CENPE: variants seen among roughly 807,000 people sequenced by gnomAD.
The protein encoded by CENPE is centromere-associated protein E.
A neutral mutation model predicts 336.1 loss-of-function variants in CENPE; 145 were observed. The ratio of observed to expected loss-of-function variants is 0.43; its 90% CI spans 0.38 to 0.50. The LOEUF (loss-of-function observed/expected upper bound fraction) is 0.50. CENPE is among the 20% of genes least tolerant of loss of function. CENPE has a pLI of 0.00. For synonymous variants in CENPE, 1,013 were observed against 984.8 expected (o/e 1.03, Z -0.54); for missense variants, 2,719 against 3,023.3 (o/e 0.90, Z 2.36).
chr4:103,109,272 C>T (rs1298218087), intron 47 of CENPE, among the ~76,000 whole-genome samples, 183 bp from the exon 48 acceptor site: 2 of 152,058 alleles, frequency 1.3e-5, no homozygotes, highest in Non-Finnish European at 2.9e-5. Context: ...TTTCAAAGTT[C>T]AGAAAACAAA....
chr4:103,141,933 AAC>A (rs760400609), intron 34 of CENPE, 25 bp from the exon 35 acceptor site: 9 of 1,407,744 alleles, frequency 6.4e-6, no homozygotes, highest in South Asian at 3.8e-5. Flanking sequence ...AAATTTTAAA[AAC>A]AGTGACATAT....
chr4:103,198,246 G>A lies in CENPE; in HGVS notation c.56+18C>T, dbSNP rs1757893739. Reference sequence around the variant, plus strand: ...CCGCAGGCCCAGCGGGCACCGGGCCGTGGTGTGGCCCCCCTACCTGCTGTT... The same window carrying A: ...CCGCAGGCCCAGCGGGCACCGGGCCATGGTGTGGCCCCCCTACCTGCTGTT... On this transcript the variant is annotated intron_variant, in intron 1 of 48. Transcript: ENST00000265148. 2.6e-6 allele frequency: 4 copies of A among 1,549,278 alleles called. No homozygotes were observed. The highest frequency in any genetic ancestry group is 3.5e-6 in the Non-Finnish European group (4 of 1,146,360).
At position 103,134,178 on chromosome 4, in the gene CENPE, T is replaced by C. The variant is rs182655832; in HGVS notation, c.6523-286A>G. Among the ~76,000 whole-genome samples the C allele has an allele frequency of 3.3e-3, 506 of 152,340 alleles. 6 individuals are homozygous for C. The highest frequency in any genetic ancestry group is 0.011 in the Admixed American group (164 of 15,310). Reference sequence around the variant, plus strand: ...AATTCAACATGTTTAAAACGTAACATGATCCCTTTCTCTACAAGTCCTCCT... The same window carrying C: ...AATTCAACATGTTTAAAACGTAACACGATCCCTTTCTCTACAAGTCCTCCT... On this transcript the variant is annotated intron_variant, in intron 40 of 48. Transcript: ENST00000265148.
chr4:103,197,747 G>C (rs1757849332), intron 1 of CENPE, among the ~76,000 whole-genome samples: 1 of 152,148 alleles, frequency 6.6e-6, no homozygotes, highest in Admixed American at 6.5e-5. Context: ...CGTCCCATTA[G>C]AATGGAAGAG....
intron 24 of CENPE, among the ~76,000 whole-genome samples, chr4:103,156,795 C>T (rs189642710): frequency 1.8e-4 from 28 of 151,836 alleles, no homozygotes; most frequent in Admixed American, 3.3e-4. Context: ...AAAAGACAGC[C>T]GATGGAATGG....
intron 18 of CENPE, 120 bp from the exon 19 acceptor site, chr4:103,161,577 T>C (rs1197016961): frequency 6.8e-6 from 5 of 733,822 alleles, no homozygotes; most frequent in Non-Finnish European, 1.0e-5. Context: ...AATATGCTAG[T>C]TACCAAATAT....
At chr4:103,144,232 G>A (rs1474619587) in intron 33 of CENPE, 99 bp downstream of exon 33, 13 of 1,066,302 alleles carry the variant, frequency 1.2e-5, no homozygotes, top group African/African-American at 9.6e-5. Context: ...CACCGCGCCC[G>A]GCCTGGACCA....
At chr4:103,132,960 T>TTATATATAATATATATATATATATATATA (rs747843126) in intron 41 of CENPE, 64 bp from the exon 42 acceptor site, 4 of 148,226 alleles carry the variant, frequency 2.7e-5, no homozygotes, top group African/African-American at 1.1e-4. Flanking sequence ...AATATTTTAT[T>TTATATATAATATATATATATATATATATA]TATATATATA....
intron 4 of CENPE, 88 bp downstream of exon 4, chr4:103,195,832 C>A (rs1757690349): frequency 9.8e-6 from 8 of 815,990 alleles, no homozygotes; most frequent in Non-Finnish European, 1.7e-5. Flanking sequence ...TACTTCCTTT[C>A]ATCTTTACAA....
chr4:103,178,019 T>C (rs1256763084), intron 13 of CENPE, among the ~76,000 whole-genome samples: 1 of 151,316 alleles, frequency 6.6e-6, no homozygotes, highest in African/African-American at 2.4e-5. Context: ...GCTATTTAGC[T>C]CTGTTCCCTT....
intron 16 of CENPE, among the ~76,000 whole-genome samples, chr4:103,171,755 T>C (rs926456081): frequency 2.0e-4 from 30 of 149,236 alleles, no homozygotes; most frequent in Non-Finnish European, 3.0e-4. Flanking sequence ...TTAGCTAGAC[T>C]AGGTAAAAAA....
At chr4:103,109,923 T>C (rs566002167) in intron 47 of CENPE, among the ~76,000 whole-genome samples, 2 of 152,162 alleles carry the variant, frequency 1.3e-5, no homozygotes, top group Non-Finnish European at 2.9e-5. Context: ...GCACCTTGTC[T>C]TGCACTTTAC....
In CENPE at chr4:103,191,541, C is replaced by T. The variant is rs201484690; in HGVS notation, c.693+2688G>A. On this transcript the variant is annotated intron_variant, in intron 8 of 48. Transcript: ENST00000265148. ...GAAACCATCATTCTCAGCAAACTAT[C>T]GCAAGGACAAAAAACCAAACACCGC... 2.3e-3 allele frequency among the ~76,000 whole-genome samples: 344 copies of T among 150,990 alleles called. 9 individuals carry two copies. In the East Asian group the frequency reaches 0.055, roughly 24 times the overall value.
intron 8 of CENPE, among the ~76,000 whole-genome samples, chr4:103,191,536 A>T (rs747264782): frequency 6.6e-6 from 1 of 151,944 alleles, no homozygotes; most frequent in East Asian, 1.9e-4. Context: ...TTCTCAGCAA[A>T]CTATCGCAAG....
At chr4:103,138,275 C>G in intron 39 of CENPE, 76 bp downstream of exon 39, 1 of 945,236 alleles carries the variant, frequency 1.1e-6, no homozygotes, top group South Asian at 1.3e-5. Flanking sequence ...GAGGTTCCTT[C>G]AATCCCACTT....
At chr4:103,117,825 G>A (rs1405550713) in intron 44 of CENPE, among the ~76,000 whole-genome samples, 1 of 151,834 alleles carries the variant, frequency 6.6e-6, no homozygotes, top group Non-Finnish European at 1.5e-5. Context: ...GACAGTGTTT[G>A]CCATGTTGGG....
chr4:103,139,146 TCTTGTTCAC>T lies in CENPE; in HGVS notation c.6204+634_6204+642del, dbSNP rs1752323070. Among the ~76,000 whole-genome samples, 2 of 108,796 alleles carry T rather than the reference TCTTGTTCAC, an allele frequency of 1.8e-5. 1 individual carries two copies. The highest frequency in any genetic ancestry group is 4.6e-5 in the Non-Finnish European group (2 of 43,894). 71.4% of individuals were successfully genotyped at this position (108,796 alleles called of 152,430 possible). A position where few individuals can be genotyped will look rare whatever the true frequency, so the allele number is the denominator to read the frequency against. ...AAACAAAAACATTTTCTCCCACTTA[TCTTGTTCAC>T]TACAGTACCTAGAAGAATATTTGAT... On this transcript the variant is annotated intron_variant, in intron 38 of 48. Coordinates refer to ENST00000265148, the MANE Select transcript of CENPE (RefSeq NM_001813.3).
intron 25 of CENPE, 92 bp from the exon 26 acceptor site, chr4:103,151,469 T>A: frequency 2.1e-6 from 2 of 960,904 alleles, no homozygotes; most frequent in Non-Finnish European, 2.9e-6. Context: ...AGTCTGCAAA[T>A]GAAGAAATCA....
intron 8 of CENPE, among the ~76,000 whole-genome samples, chr4:103,190,185 A>T (rs1375858382): frequency 6.6e-6 from 1 of 152,234 alleles, no homozygotes; most frequent in Non-Finnish European, 1.5e-5. Context: ...CATGGGTAGG[A>T]AGAATCAATA....
Sources: allele counts gnomAD v4.1 joint callset (sites outside exome capture counted in the v4.1 genomes callset), GRCh38; gene constraint gnomAD v4.1.1; transcripts MANE v1.5; gene names NCBI Gene and HGNC (gene_info 2026-07-23, HGNC 2026-07-21).